The following ANK3 variants were observed in gnomAD, a reference collection of about 807,000 sequenced individuals.
ANK3 encodes the protein ankyrin-3.
A neutral mutation model predicts 370.9 loss-of-function variants in ANK3; 57 were observed. The observed-to-expected ratio is 0.15, with a 90% CI of 0.12 to 0.19. The LOEUF (loss-of-function observed/expected upper bound fraction) is 0.19. Among genes scored for constraint, ANK3 ranks in the 10% least tolerant of loss-of-function variants. ANK3 has a pLI of 1.00. For missense variants in ANK3, 4,439 were observed against 5,302.1 expected (o/e 0.84, Z 5.06); for synonymous variants, 1,929 against 1,946.3 (o/e 0.99, Z 0.23).
chr10:60,543,412 A>G (rs1163972496), intron 2 of ANK3, among the ~76,000 whole-genome samples: 1 of 152,098 alleles, frequency 6.6e-6, no homozygotes. Context: ...AATGTCTATT[A>G]ATAGGCAAAT....
Position 60,636,772 on chromosome 10 carries a change from A to T in ANK3, c.58-21548T>A, listed in dbSNP as rs181488470. Among the ~76,000 whole-genome samples the T allele has an allele frequency of 3.9e-5, 6 of 152,352 alleles. No individual in the cohort carries two copies. In the East Asian group the frequency reaches 5.8e-4, roughly 15 times the overall value. ...AAACAAGCAACAAAAAAGAGTTGCTACCATATTTAGCTGCTGGGTGTTAAC... is the reference window on the plus strand; with the variant it reads ...AAACAAGCAACAAAAAAGAGTTGCTTCCATATTTAGCTGCTGGGTGTTAAC... On this transcript the variant is annotated intron_variant, in intron 1 of 43. Coordinates refer to the ANK3 transcript ENST00000373827.
chr10:60,400,811 C>T (rs186981185), intron 2 of ANK3, among the ~76,000 whole-genome samples: 1 of 152,048 alleles, frequency 6.6e-6, no homozygotes, highest in Non-Finnish European at 1.5e-5. Context: ...AACCCATCAC[C>T]AAGGTGTTAA....
chr10:60,401,724 A>G (rs2063355450), intron 2 of ANK3, among the ~76,000 whole-genome samples: 1 of 152,236 alleles, frequency 6.6e-6, no homozygotes, highest in Non-Finnish European at 1.5e-5. Flanking sequence ...CATGTGATGT[A>G]CATGTCATTT....
rs1252989835 is a variant in ANK3 at position 60,208,217 on chromosome 10, A to G, written c.1013T>C (p.Leu338Ser). Residue 338 changes from leucine to serine, a missense_variant, in exon 10 of 44, where the codon TTG becomes TCG. This residue lies in a region of ANK3 where 227 missense variants were observed against 377.6 expected (regional missense o/e 0.60). Coordinates refer to ENST00000280772, the MANE Select transcript of ANK3 (RefSeq NM_020987.5). The stretch of plus-strand genomic sequence containing the variant: ...ATGATCCCCTTGTGTGGCCATGTGC[A>G]ATGGAGATAATCCATTCTGGAACAC... ...LSKTKNGLSP[L>S]HMATQGDHLN... The G allele has an allele frequency of 6.2e-7, 1 of 1,614,006 alleles. No homozygotes were observed. Among genetic ancestry groups the G allele is most frequent in the African/African-American group, 1.3e-5 (1 of 74,940 alleles).
At chr10:60,662,759 C>T (rs1264675333) in intron 1 of ANK3, among the ~76,000 whole-genome samples, 5 of 152,076 alleles carry the variant, frequency 3.3e-5, no homozygotes, top group African/African-American at 1.2e-4. Context: ...TACATTATCC[C>T]GAGTATCTAG....
intron 2 of ANK3, among the ~76,000 whole-genome samples, chr10:60,401,392 C>A (rs1423675509): frequency 6.6e-6 from 1 of 152,066 alleles, no homozygotes; most frequent in Non-Finnish European, 1.5e-5. Flanking sequence ...GTTAAGTGTT[C>A]TTAACCACAA....
In ANK3 at chr10:60,074,813, G is replaced by A; in HGVS notation, c.6068C>T (p.Ala2023Val). 6.2e-7 allele frequency: 1 copy of A among 1,613,868 alleles called. No individual in the cohort carries two copies. Among genetic ancestry groups the A allele is most frequent in the South Asian group, 1.1e-5 (1 of 90,962 alleles). ...GGTCAAGTTATAATCCTTTTCGGAG[G>A]CGGCTTTTGCTTTTACTTGCACTCT... is the stretch of plus-strand genomic sequence containing the variant. ...PERVQVKAKAASEKDYNLTKV... is the reference protein window; with the variant it reads ...PERVQVKAKAVSEKDYNLTKV... The change falls in exon 37 of 44, where the codon GCC (alanine) becomes GTC (valine). Residue 2023 changes from alanine (A) to valine (V), a missense_variant. Around this residue, in one of 13 missense-constraint regions of ANK3, gnomAD observed 679 missense variants for 791.0 expected, o/e 0.86. Coordinates refer to ENST00000280772, the MANE Select transcript of ANK3 (RefSeq NM_020987.5).
chr10:60,609,537 CTT>C (rs34817175), intron 2 of ANK3, among the ~76,000 whole-genome samples: 23 of 149,660 alleles, frequency 1.5e-4, no homozygotes, highest in South Asian at 1.5e-3. Context: ...TTCTTTTTTC[CTT>C]TTTTTTTTTC....
chr10:60,106,414 A>G (rs2092175144), intron 27 of ANK3, among the ~76,000 whole-genome samples: 1 of 152,170 alleles, frequency 6.6e-6, no homozygotes, highest in Non-Finnish European at 1.5e-5. Flanking sequence ...TAGGTATATT[A>G]TACAAATGCT....
Position 60,071,558 on chromosome 10 carries a change from T to G in ANK3, c.9323A>C (p.Glu3108Ala). Residue 3108 changes from glutamate (E) to alanine (A), a missense_variant, in exon 37 of 44, where the codon GAG becomes GCG. Coordinates refer to ENST00000280772, the MANE Select transcript of ANK3 (RefSeq NM_020987.5). Reference protein sequence around the residue: ...FVQVGKQYEKEIQQGGVKKII... With the variant: ...FVQVGKQYEKAIQQGGVKKII... Reference sequence around the variant, plus strand: ...TTTTTTTACACCTCCTTGTTGTATCTCCTTTTCATATTGCTTCCCCACTTG... The same window carrying G: ...TTTTTTTACACCTCCTTGTTGTATCGCCTTTTCATATTGCTTCCCCACTTG... 1 of 1,614,120 alleles carries G rather than the reference T, an allele frequency of 6.2e-7. No individual in the cohort carries two copies. The highest frequency in any genetic ancestry group is 1.3e-5 in the African/African-American group (1 of 75,030).
chr10:60,602,330 G>T (rs1359081266), intron 2 of ANK3, among the ~76,000 whole-genome samples: 4 of 152,074 alleles, frequency 2.6e-5, no homozygotes, highest in African/African-American at 9.7e-5. Flanking sequence ...TATAATGGAA[G>T]GTTGGCAGTG....
chr10:60,690,602 G>C (rs997669152), intron 1 of ANK3, among the ~76,000 whole-genome samples: 6 of 151,862 alleles, frequency 4.0e-5, no homozygotes, highest in African/African-American at 1.5e-4. Context: ...GGATTTTGTT[G>C]TGCTTCTAAC....
chr10:60,224,677 A>G (rs1387906162), intron 8 of ANK3, among the ~76,000 whole-genome samples: 1 of 152,192 alleles, frequency 6.6e-6, no homozygotes, highest in Non-Finnish European at 1.5e-5. Flanking sequence ...AAATAAATAA[A>G]TAAATACAAA....
At chr10:60,393,156 T>TAAC (rs2063147692), upstream of ANK3, among the ~76,000 whole-genome samples, 1 of 152,170 alleles carries the variant, frequency 6.6e-6, no homozygotes, top group Non-Finnish European at 1.5e-5. Flanking sequence ...GAAAGGTACT[T>TAAC]ATAATAAACA....
chr10:60,557,937 T>G (rs1354121524), intron 2 of ANK3, among the ~76,000 whole-genome samples: 5 of 152,214 alleles, frequency 3.3e-5, no homozygotes, highest in Non-Finnish European at 7.3e-5. Context: ...TTGTTTTCTT[T>G]GCATCTCAAT....
chr10:60,079,230 T>TC (rs2084612325), intron 36 of ANK3, among the ~76,000 whole-genome samples: 1 of 60,254 alleles, frequency 1.7e-5, no homozygotes. Flanking sequence ...CACACACCCC[T>TC]CTTCTGCTCT....
intron 2 of ANK3, among the ~76,000 whole-genome samples, chr10:60,535,084 GT>G (rs1305754188): frequency 1.3e-5 from 2 of 152,106 alleles, no homozygotes; most frequent in Non-Finnish European, 2.9e-5. Flanking sequence ...CTTGAGACAT[GT>G]TTTTCTTTTT....
At chr10:60,342,316 G>A (rs985522900) in intron 1 of ANK3, among the ~76,000 whole-genome samples, 2 of 152,070 alleles carry the variant, frequency 1.3e-5, no homozygotes, top group Non-Finnish European at 2.9e-5. Flanking sequence ...AACTGGAAAC[G>A]CACTTCAGGG....
At chr10:60,332,566 G>C (rs977388637) in intron 1 of ANK3, among the ~76,000 whole-genome samples, 2 of 152,178 alleles carry the variant, frequency 1.3e-5, no homozygotes, top group Admixed American at 6.5e-5. Context: ...CATGGAGGGG[G>C]ACAGAAGGGA....
Sources: allele counts gnomAD v4.1 joint callset (sites outside exome capture counted in the v4.1 genomes callset), GRCh38; gene constraint gnomAD v4.1.1; regional missense constraint gnomAD v4.1.1; transcripts MANE v1.5; gene names NCBI Gene and HGNC (gene_info 2026-07-23, HGNC 2026-07-21).